ARIH2: variants seen among roughly 807,000 people sequenced by gnomAD.
The protein encoded by ARIH2 is ariadne RBR E3 ubiquitin protein ligase 2, also known as E3 ubiquitin-protein ligase ARIH2.
A neutral mutation model predicts 79.8 loss-of-function variants in ARIH2; 12 were observed. The ratio of observed to expected loss-of-function variants is 0.15; its 90% CI spans 0.10 to 0.24. The LOEUF (loss-of-function observed/expected upper bound fraction) is 0.24. Ranked by LOEUF, ARIH2 falls within the 10% of genes least tolerant of loss-of-function variation. The pLI is 1.00. For synonymous variants in ARIH2, 224 were observed against 213.9 expected (o/e 1.05, Z -0.41); for missense variants, 301 against 618.3 (o/e 0.49, Z 5.44).
intron 11 of ARIH2, 72 bp downstream of exon 11, chr3:48,975,051 G>A: frequency 6.2e-7 from 1 of 1,613,236 alleles, no homozygotes; most frequent in South Asian, 1.1e-5. Context: ...CTATTTAAGT[G>A]AGTACTTCTG....
At chr3:48,980,051 C>T (rs1189163838) in intron 12 of ARIH2, 1 of 261,756 alleles carries the variant, frequency 3.8e-6, no homozygotes, top group East Asian at 7.1e-5. Context: ...TTTAGAAGCC[C>T]AAAGAGCCCC....
chr3:48,959,213 G>A (rs2090970550), intron 3 of ARIH2, among the ~76,000 whole-genome samples: 2 of 150,972 alleles, frequency 1.3e-5, no homozygotes, highest in African/African-American at 4.9e-5. Context: ...CTACTAGGGA[G>A]GCGGAGGCAG....
Position 48,953,494 on chromosome 3 carries a change from C to T in ARIH2, c.256-8118C>T, listed in dbSNP as rs967915661. On this transcript the variant is annotated intron_variant, in intron 3 of 15. Transcript: ENST00000356401. The stretch of plus-strand genomic sequence containing the variant: ...CCTCGGCTCACTGCAAGCTCCGCCT[C>T]CCGGGTTCACGCCATTCTCCTGCCT... 2.6e-5 allele frequency among the ~76,000 whole-genome samples: 4 copies of T among 152,086 alleles called. No individual in the cohort carries two copies. The East Asian group carries it at 5.8e-4, about 22-fold the overall frequency.
chr3:48,971,289 G>A lies in ARIH2; in HGVS notation c.770+585G>A, dbSNP rs145500417. On this transcript the variant is annotated intron_variant, in intron 8 of 15. Coordinates refer to ENST00000356401, the MANE Select transcript of ARIH2 (RefSeq NM_006321.4). ...AGACGGAGTCTTTCTCTGTAGCCCA[G>A]GCTGGAGTGCAGTGGCACATACTTG... 1.7e-3 allele frequency among the ~76,000 whole-genome samples: 263 copies of A among 152,286 alleles called. 1 individual carries two copies. Among genetic ancestry groups the A allele is most frequent in the African/African-American group, 6.2e-3 (258 of 41,546 alleles).
chr3:48,941,101 G>A (rs1004388820), intron 3 of ARIH2, among the ~76,000 whole-genome samples: 18 of 150,966 alleles, frequency 1.2e-4, no homozygotes, highest in African/African-American at 4.4e-4. Flanking sequence ...GAACCCAGGA[G>A]GCAGAGCTTG....
At chr3:48,964,767 A>T (rs2091610744) in intron 4 of ARIH2, 152 bp from the exon 5 acceptor site, 2 of 535,008 alleles carry the variant, frequency 3.7e-6, no homozygotes, top group Admixed American at 7.2e-5. Context: ...GTCTTGAGAA[A>T]AAAAGTCTTT....
chr3:48,927,869 C>A, intron 3 of ARIH2, 56 bp downstream of exon 3: 1 of 1,582,434 alleles, frequency 6.3e-7, no homozygotes, highest in South Asian at 1.2e-5. Context: ...TAAGGATGAG[C>A]TGTTGTTAAT....
chr3:48,955,181 G>C (rs2090438301), intron 3 of ARIH2, among the ~76,000 whole-genome samples: 1 of 152,160 alleles, frequency 6.6e-6, no homozygotes, highest in Non-Finnish European at 1.5e-5. Flanking sequence ...CTGGGCGACA[G>C]AATGACACTC....
At chr3:48,958,656 T>C (rs1489485033) in intron 3 of ARIH2, among the ~76,000 whole-genome samples, 2 of 150,448 alleles carry the variant, frequency 1.3e-5, no homozygotes, top group African/African-American at 2.5e-5. Context: ...TTGCAGTGAG[T>C]CGAGATCGTA....
At chr3:48,980,699 G>A (rs964326149) in intron 13 of ARIH2, among the ~76,000 whole-genome samples, 1 of 151,988 alleles carries the variant, frequency 6.6e-6, no homozygotes, top group African/African-American at 2.4e-5. Flanking sequence ...GGATTTATAA[G>A]AGTGTTGCAC....
chr3:48,948,819 C>G (rs1252888783), intron 3 of ARIH2, among the ~76,000 whole-genome samples: 1 of 152,054 alleles, frequency 6.6e-6, no homozygotes, highest in Non-Finnish European at 1.5e-5. Flanking sequence ...CTTTTGTTAC[C>G]TGGTTCTTTC....
rs2092887131 is a variant in ARIH2 at position 48,985,713 on chromosome 3, G to A, written c.*2443G>A. ...TTTTCCCTTTCTGGCTGTTGGGGGAGAGGGCACCTGTAAGTGATCCCTGTG... is the reference window on the plus strand; with the variant it reads ...TTTTCCCTTTCTGGCTGTTGGGGGAAAGGGCACCTGTAAGTGATCCCTGTG... On this transcript the variant is annotated 3_prime_UTR_variant, in exon 16 of 16. Coordinates refer to ENST00000356401, the MANE Select transcript of ARIH2 (RefSeq NM_006321.4). 6.6e-6 allele frequency: 1 copy of A among 152,190 alleles called. No homozygotes were observed. The highest frequency in any genetic ancestry group is 2.4e-5 in the African/African-American group (1 of 41,422). The allele number at this position is 152,190 out of a possible 1,614,324, so 9.4% of individuals were successfully genotyped here. A position where few individuals can be genotyped will look rare whatever the true frequency, so the allele number is the denominator to read the frequency against.
chr3:48,941,304 A>G (rs1439252170), intron 3 of ARIH2, among the ~76,000 whole-genome samples: 1 of 152,236 alleles, frequency 6.6e-6, no homozygotes, highest in African/African-American at 2.4e-5. Context: ...AAAGCTACAA[A>G]AGTAACTGAT....
chr3:48,983,642 G>C lies in ARIH2; in HGVS notation c.*372G>C. On this transcript the variant is annotated 3_prime_UTR_variant, in exon 16 of 16. Transcript: ENST00000356401. The stretch of plus-strand genomic sequence containing the variant: ...AAAAGGCAAACTATAGGATAACACA[G>C]AGCCCTTTTTGAAAATAAATTGGCA... 1 of 193,816 alleles carries C rather than the reference G, an allele frequency of 5.2e-6. No homozygotes were observed. The highest frequency in any genetic ancestry group is 1.0e-5 in the Non-Finnish European group (1 of 95,438). The allele number at this position is 193,816 out of a possible 1,614,324, so 12.0% of individuals were successfully genotyped here. A position where few individuals can be genotyped will look rare whatever the true frequency, so the allele number is the denominator to read the frequency against.
chr3:48,945,822 TA>T (rs1425642372), intron 3 of ARIH2, among the ~76,000 whole-genome samples: 2 of 152,098 alleles, frequency 1.3e-5, no homozygotes, highest in East Asian at 3.8e-4. Context: ...TTACACTGAA[TA>T]AAGCTGAAAC....
At chr3:48,974,429 C>T (rs2092402157) in intron 9 of ARIH2, among the ~76,000 whole-genome samples, 1 of 152,184 alleles carries the variant, frequency 6.6e-6, no homozygotes, top group Admixed American at 6.5e-5. Flanking sequence ...TTTCCTTGCC[C>T]TCTTCTCGAA....
intron 8 of ARIH2, 56 bp from the exon 9 acceptor site, chr3:48,973,643 G>T: frequency 4.3e-5 from 52 of 1,223,010 alleles, no homozygotes; most frequent in Non-Finnish European, 5.6e-5. Flanking sequence ...GGAAAATTTT[G>T]AACATGGGAC....
intron 4 of ARIH2, 37 bp from the exon 5 acceptor site, chr3:48,964,882 C>A (rs1336639074): frequency 1.9e-6 from 3 of 1,563,474 alleles, no homozygotes; most frequent in Non-Finnish European, 1.8e-6. Context: ...ATGTCTTTAG[C>A]TTCTGATTGC....
intron 3 of ARIH2, among the ~76,000 whole-genome samples, chr3:48,958,699 A>T (rs1193553000): frequency 6.7e-6 from 1 of 150,190 alleles, no homozygotes; most frequent in East Asian, 2.0e-4. Flanking sequence ...ACAGAAGGAG[A>T]CTCCATCTCA....
Sources: allele counts gnomAD v4.1 joint callset (sites outside exome capture counted in the v4.1 genomes callset), GRCh38; gene constraint gnomAD v4.1.1; transcripts MANE v1.5; gene names NCBI Gene and HGNC (gene_info 2026-07-23, HGNC 2026-07-21).